Variants in VAMP4 observed in about 807,000 individuals in gnomAD.
VAMP4 encodes the protein vesicle associated membrane protein 4.
VAMP4 carries 19 observed loss-of-function variants against 23.5 expected under a neutral mutation model. The ratio of observed to expected loss-of-function variants is 0.81; its 90% CI spans 0.56 to 1.19. VAMP4 has a LOEUF of 1.19. VAMP4 is among the 50% of genes most tolerant of loss of function. VAMP4 has a pLI of 0.00. For missense variants in VAMP4, 145 were observed against 168.6 expected, an observed-to-expected ratio of 0.86 and a Z score of 0.78; for synonymous variants, 31 against 51.0, an observed-to-expected ratio of 0.61 and a Z score of 1.67.
chr1:171,729,962 G>C (rs545927502), intron 2 of VAMP4, among the ~76,000 whole-genome samples: 2 of 152,106 alleles, frequency 1.3e-5, no homozygotes, highest in South Asian at 2.1e-4. Context: ...GAGAGAGAGA[G>C]AGACAGACAG....
Position 171,703,419 on chromosome 1 carries a change from T to TGTGTGTGTGTG in VAMP4, c.*1086_*1087insCACACACACAC, listed in dbSNP as rs1553258233. Reference sequence around the variant, plus strand: ...TGTGTGTGTGTGTGTGTGTGTGTGTTTGTGTGTATATATATATATATATAT... The same window carrying TGTGTGTGTGTG: ...TGTGTGTGTGTGTGTGTGTGTGTGTTGTGTGTGTGTGTGTGTGTATATATATATATATATAT... On this transcript the variant is annotated 3_prime_UTR_variant, in exon 8 of 8. Transcript: ENST00000236192. 1.5e-4 allele frequency: 13 copies of TGTGTGTGTGTG among 87,946 alleles called. No homozygotes were observed. The highest frequency in any genetic ancestry group is 4.0e-4 in the East Asian group (1 of 2,504). The allele number at this position is 87,946 out of a possible 1,614,324, so 5.4% of individuals were successfully genotyped here. A position where few individuals can be genotyped will look rare whatever the true frequency, so the allele number is the denominator to read the frequency against.
At chr1:171,726,294 C>T (rs1263599694) in intron 3 of VAMP4, among the ~76,000 whole-genome samples, 3 of 152,160 alleles carry the variant, frequency 2.0e-5, no homozygotes, top group Non-Finnish European at 2.9e-5. Flanking sequence ...TTGTGATCCG[C>T]CCGCCTCGGC....
chr1:171,723,069 G>A (rs1655248072), intron 3 of VAMP4, among the ~76,000 whole-genome samples: 1 of 152,136 alleles, frequency 6.6e-6, no homozygotes, highest in African/African-American at 2.4e-5. Context: ...GTGTCGGCAG[G>A]TTCTGTGATG....
rs12119232 is a variant in VAMP4 at position 171,742,012 on chromosome 1, A to C, written c.-152T>G. 26,438 of 152,144 alleles carry C rather than the reference A, an allele frequency of 0.17. 2,412 individuals carry two copies. The highest frequency in any genetic ancestry group is 0.25 in the Middle Eastern group (72 of 292). 9.4% of individuals were successfully genotyped at this position (152,144 alleles called of 1,614,324 possible). A position where few individuals can be genotyped will look rare whatever the true frequency, so the allele number is the denominator to read the frequency against. On this transcript the variant is annotated 5_prime_UTR_variant, in exon 1 of 8. Coordinates refer to ENST00000236192, the MANE Select transcript of VAMP4 (RefSeq NM_003762.5). ...AGGTAAGAAGCTGGGAGGGGGAGACAGTTGGTGCGGACCCGGCGTCGGCCG... is the reference window on the plus strand; with the variant it reads ...AGGTAAGAAGCTGGGAGGGGGAGACCGTTGGTGCGGACCCGGCGTCGGCCG...
intron 3 of VAMP4, among the ~76,000 whole-genome samples, chr1:171,723,822 A>T (rs937633948): frequency 1.3e-5 from 2 of 152,204 alleles, no homozygotes; most frequent in African/African-American, 4.8e-5. Flanking sequence ...TGTCCATGAA[A>T]TCTTCACAAT....
chr1:171,723,720 A>G (rs1572248539), intron 3 of VAMP4, among the ~76,000 whole-genome samples: 1 of 152,216 alleles, frequency 6.6e-6, no homozygotes, highest in East Asian at 1.9e-4. Context: ...GAGGCGACAT[A>G]CATCCTCAGC....
At chr1:171,706,217 T>C in intron 7 of VAMP4, 150 bp downstream of exon 7, 2 of 579,838 alleles carry the variant, frequency 3.4e-6, no homozygotes, top group Non-Finnish European at 5.8e-6. Context: ...TTTTCAGAGA[T>C]CAATAGATTC....
At chr1:171,721,960 C>A (rs1558110429) in intron 3 of VAMP4, among the ~76,000 whole-genome samples, 2 of 152,106 alleles carry the variant, frequency 1.3e-5, no homozygotes, top group African/African-American at 4.8e-5. Context: ...AATCCTAAGC[C>A]AAAAGAACAA....
At chr1:171,708,355 G>C (rs1422667046) in intron 6 of VAMP4, among the ~76,000 whole-genome samples, 2 of 127,560 alleles carry the variant, frequency 1.6e-5, no homozygotes, top group Non-Finnish European at 3.4e-5. Flanking sequence ...AAAAAAAAAA[G>C]ACTTTAAAGA....
At chr1:171,740,576 T>C (rs1396860572) in intron 1 of VAMP4, among the ~76,000 whole-genome samples, 1 of 152,250 alleles carries the variant, frequency 6.6e-6, no homozygotes, top group East Asian at 1.9e-4. Context: ...ACAATATTTC[T>C]GTCACATACA....
intron 2 of VAMP4, among the ~76,000 whole-genome samples, chr1:171,735,161 C>T (rs1655697568): frequency 6.6e-6 from 1 of 152,090 alleles, no homozygotes; most frequent in African/African-American, 2.4e-5. Context: ...TGACTGTGTC[C>T]TTAACAGTGA....
chr1:171,737,752 A>C (rs1183968368), intron 2 of VAMP4, among the ~76,000 whole-genome samples: 6 of 152,200 alleles, frequency 3.9e-5, no homozygotes, highest in Non-Finnish European at 7.3e-5. Context: ...AAATCTGAAA[A>C]ATTCCAAATA....
At chr1:171,737,107 G>C (rs1328130576) in intron 2 of VAMP4, among the ~76,000 whole-genome samples, 1 of 152,188 alleles carries the variant, frequency 6.6e-6, no homozygotes, top group Non-Finnish European at 1.5e-5. Flanking sequence ...TAAGATGGTG[G>C]ACAGAGTGGA....
chr1:171,700,506 T>C lies in VAMP4; in HGVS notation c.*4000A>G, dbSNP rs1654392062. 6.6e-6 allele frequency: 1 copy of C among 152,252 alleles called. No homozygotes were observed. Among genetic ancestry groups the C allele is most frequent in the South Asian group, 2.1e-4 (1 of 4,834 alleles). The allele number at this position is 152,252 out of a possible 1,614,324, so 9.4% of individuals were successfully genotyped here. A position where few individuals can be genotyped will look rare whatever the true frequency, so the allele number is the denominator to read the frequency against. ...CTAATTATGTAATCTACTTTGTGGC[T>C]TTAAAATATTGGATACTTTGATTTT... is the stretch of plus-strand genomic sequence containing the variant. On this transcript the variant is annotated 3_prime_UTR_variant, in exon 8 of 8. Coordinates refer to ENST00000236192, the MANE Select transcript of VAMP4 (RefSeq NM_003762.5).
chr1:171,713,159 T>C (rs1206726976), intron 4 of VAMP4, among the ~76,000 whole-genome samples: 1 of 152,136 alleles, frequency 6.6e-6, no homozygotes, highest in Non-Finnish European at 1.5e-5. Flanking sequence ...AGTTTGAGTA[T>C]AAATCCTATA....
At chr1:171,732,408 A>T (rs889592498) in intron 2 of VAMP4, among the ~76,000 whole-genome samples, 1 of 151,784 alleles carries the variant, frequency 6.6e-6, no homozygotes, top group African/African-American at 2.4e-5. Context: ...ATGGTGGCTC[A>T]TGCCTGTAGT....
intron 2 of VAMP4, among the ~76,000 whole-genome samples, chr1:171,733,792 G>A (rs907138004): frequency 1.1e-4 from 17 of 152,172 alleles, no homozygotes; most frequent in Non-Finnish European, 2.5e-4. Context: ...AGGCTGAACA[G>A]AGAGTTACTA....
At chr1:171,728,010 CA>C (rs1489876388) in intron 3 of VAMP4, among the ~76,000 whole-genome samples, 3 of 152,318 alleles carry the variant, frequency 2.0e-5, no homozygotes, top group Admixed American at 2.0e-4. Context: ...GTCACAGGTA[CA>C]CGGTACAGTA....
At chr1:171,728,820 G>A (rs1466094999) in intron 2 of VAMP4, among the ~76,000 whole-genome samples, 3 of 152,206 alleles carry the variant, frequency 2.0e-5, no homozygotes, top group Non-Finnish European at 4.4e-5. Context: ...GGTCACTGAA[G>A]CTGGTATGGG....
Sources: allele counts gnomAD v4.1 joint callset (sites outside exome capture counted in the v4.1 genomes callset), GRCh38; gene constraint gnomAD v4.1.1; transcripts MANE v1.5; gene names NCBI Gene and HGNC (gene_info 2026-07-23, HGNC 2026-07-21).